Variants in CCDC122 observed in about 807,000 individuals in gnomAD.
CCDC122 encodes coiled-coil domain containing 122.
In CCDC122, 38 loss-of-function variants were observed where a neutral mutation model predicts 37.0. That is an observed-to-expected ratio of 1.03 (90% CI 0.79 to 1.35). The LOEUF is 1.35. Ranked by LOEUF, CCDC122 falls within the 40% of genes most tolerant of loss-of-function variation. The pLI, the probability that CCDC122 is intolerant of heterozygous loss-of-function variation, is 0.00. For missense variants in CCDC122, 305 were observed against 310.0 expected, an observed-to-expected ratio of 0.98 and a Z score of 0.12; for synonymous variants, 83 against 95.6, an observed-to-expected ratio of 0.87 and a Z score of 0.77.
rs533032800 is a variant in CCDC122 at position 43,861,719 on chromosome 13, A to T, written c.157-1649T>A. Among the ~76,000 whole-genome samples, 8 of 152,348 alleles carry T rather than the reference A, an allele frequency of 5.3e-5. No individual in the cohort carries two copies. The South Asian group carries it at 1.7e-3, about 32-fold the overall frequency. ...AATATGGCAATGAACCTCAATTTTT[A>T]TCATCAGCTCTGATGTTTCAAATGC... On this transcript the variant is annotated intron_variant, in intron 4 of 6. Transcript: ENST00000444614.
intron 3 of CCDC122, among the ~76,000 whole-genome samples, chr13:43,827,472 A>T (rs1364712514): frequency 1.3e-5 from 2 of 152,188 alleles, no homozygotes; most frequent in Admixed American, 6.5e-5. Context: ...GGCTTACATA[A>T]GTTCTCTAAG....
At chr13:43,827,359 A>C (rs941506259) in intron 3 of CCDC122, among the ~76,000 whole-genome samples, 1 of 152,238 alleles carries the variant, frequency 6.6e-6, no homozygotes, top group African/African-American at 2.4e-5. Flanking sequence ...TAAGTGAATT[A>C]TCTTTTATTT....
downstream of CCDC122, among the ~76,000 whole-genome samples, chr13:43,834,718 A>C (rs1315582302): frequency 2.1e-4 from 32 of 152,350 alleles, 1 homozygote; most frequent in East Asian, 6.2e-3. Flanking sequence ...AATGCTCATC[A>C]TCACTGGCCA....
At chr13:43,830,438 C>G (rs1252701029) in intron 3 of CCDC122, among the ~76,000 whole-genome samples, 2 of 152,172 alleles carry the variant, frequency 1.3e-5, no homozygotes, top group Non-Finnish European at 2.9e-5. Context: ...TTATTGAAGT[C>G]TTCCCCAGAG....
At position 43,836,911 on chromosome 13, in the gene CCDC122, C is replaced by T. The variant is rs373599099; in HGVS notation, c.*369G>A. The T allele has an allele frequency of 5.8e-5, 8 of 138,490 alleles. No homozygotes were observed. Among genetic ancestry groups the T allele is most frequent in the African/African-American group, 2.1e-4 (8 of 37,784 alleles). The allele number at this position is 138,490 out of a possible 1,614,324, so 8.6% of individuals were successfully genotyped here. A position where few individuals can be genotyped will look rare whatever the true frequency, so the allele number is the denominator to read the frequency against. On this transcript the variant is annotated 3_prime_UTR_variant, in exon 7 of 7. Transcript: ENST00000444614. The stretch of plus-strand genomic sequence containing the variant: ...CAGACAAACATTTTAAAAATCTTAA[C>T]AATTTAAATCAGTGAAAATTCGAGT...
chr13:43,844,786 T>C (rs1288770168), intron 6 of CCDC122, among the ~76,000 whole-genome samples: 1 of 152,164 alleles, frequency 6.6e-6, no homozygotes, highest in Non-Finnish European at 1.5e-5. Flanking sequence ...CTACACCAGC[T>C]TTTTAAAGAT....
At chr13:43,828,781 A>C (rs575070458) in intron 3 of CCDC122, among the ~76,000 whole-genome samples, 2 of 152,292 alleles carry the variant, frequency 1.3e-5, no homozygotes, top group South Asian at 2.1e-4. Context: ...AAAGAACTAA[A>C]TAAATAAATT....
rs1954035621 is a variant in CCDC122, at chr13:43,859,510, A to G, written c.555+162T>C. ...ATCTAGGGTCGTTGTTATATAACAC[A>G]TGTACTTATTCCAAGTTTTTTTCAA... On this transcript the variant is annotated intron_variant, in intron 5 of 6. Coordinates refer to ENST00000444614, the MANE Select transcript of CCDC122 (RefSeq NM_144974.5). 3.3e-5 allele frequency among the ~76,000 whole-genome samples: 5 copies of G among 152,098 alleles called. No homozygotes were observed. The South Asian group carries it at 1.0e-3, about 31-fold the overall frequency.
chr13:43,878,445 C>A (rs2138205359), intron 1 of CCDC122, among the ~76,000 whole-genome samples: 1 of 152,262 alleles, frequency 6.6e-6, no homozygotes, highest in Non-Finnish European at 1.5e-5. Flanking sequence ...TGGGTTAGTG[C>A]TCCCAGTCTC....
At position 43,858,784 on chromosome 13, in the gene CCDC122, T is replaced by C; in HGVS notation, c.669A>G (p.Ile223Met). 1 of 1,415,000 alleles carries C rather than the reference T, an allele frequency of 7.1e-7. No homozygotes were observed. The highest frequency in any genetic ancestry group is 9.5e-7 in the Non-Finnish European group (1 of 1,050,844). The allele number at this position is 1,415,000 out of a possible 1,614,324, so 87.7% of individuals were successfully genotyped here. ...KKTHEKLRKE[I>M]EVQHKRYDAI... ...AATCTAGATAATTAAGACTTACCTCTATTTCTTTTCTTAATTTTTCATGTG... is the reference window on the plus strand; with the variant it reads ...AATCTAGATAATTAAGACTTACCTCCATTTCTTTTCTTAATTTTTCATGTG... Residue 223 changes from isoleucine (I) to methionine (M), a missense_variant, in exon 6 of 7, where the codon ATA becomes ATG. Physicochemically the swap from Ile to Met is conservative, Grantham distance 10. Transcript: ENST00000444614.
rs900866366 is a variant in CCDC122 at position 43,869,320 on chromosome 13, T to C, written c.46+11A>G. Reference sequence around the variant, plus strand: ...CTTTTAATTATTTATTTCTTAAGACTGTTTCATTACCTTCTTTAGGAAATC... The same window carrying C: ...CTTTTAATTATTTATTTCTTAAGACCGTTTCATTACCTTCTTTAGGAAATC... On this transcript the variant is annotated intron_variant, in intron 3 of 6. Transcript: ENST00000444614. The C allele has an allele frequency of 1.3e-6, 2 of 1,586,518 alleles. No homozygotes were observed. The highest frequency in any genetic ancestry group is 3.4e-5 in the Admixed American group (2 of 59,472).
intron 6 of CCDC122, among the ~76,000 whole-genome samples, chr13:43,853,087 C>T (rs867442612): frequency 6.6e-6 from 1 of 152,062 alleles, no homozygotes; most frequent in African/African-American, 2.4e-5. Context: ...AACAAGTCTG[C>T]AAAATAACCA....
At chr13:43,842,660 C>T (rs1213857910) in intron 6 of CCDC122, among the ~76,000 whole-genome samples, 1 of 151,918 alleles carries the variant, frequency 6.6e-6, no homozygotes, top group Non-Finnish European at 1.5e-5. Context: ...AAACTATGAA[C>T]ATAGGATATC....
At chr13:43,859,303 T>C (rs1954028379) in intron 5 of CCDC122, among the ~76,000 whole-genome samples, 1 of 152,168 alleles carries the variant, frequency 6.6e-6, no homozygotes, top group Non-Finnish European at 1.5e-5. Flanking sequence ...CATAACACCA[T>C]TAAGTGTACT....
At chr13:43,838,867 T>C (rs952107073) in intron 6 of CCDC122, among the ~76,000 whole-genome samples, 7 of 152,206 alleles carry the variant, frequency 4.6e-5, no homozygotes, top group African/African-American at 7.2e-5. Context: ...AGCGCATACA[T>C]TGCATGATCA....
At chr13:43,864,131 G>A (rs143537235) in intron 4 of CCDC122, among the ~76,000 whole-genome samples, 14 of 152,136 alleles carry the variant, frequency 9.2e-5, no homozygotes, top group African/African-American at 1.9e-4. Flanking sequence ...GCTTTGGTAC[G>A]TCTTCAAAAA....
chr13:43,864,924 G>A (rs1954224596), intron 4 of CCDC122, among the ~76,000 whole-genome samples: 1 of 152,108 alleles, frequency 6.6e-6, no homozygotes, highest in Non-Finnish European at 1.5e-5. Flanking sequence ...AGGAAAGAGG[G>A]GCTGGAGATT....
chr13:43,854,998 G>A (rs1953859820), intron 6 of CCDC122: 1 of 152,088 alleles, frequency 6.6e-6, no homozygotes, highest in Non-Finnish European at 1.5e-5. Flanking sequence ...AGCCATCTAT[G>A]ACAAACCCAC....
chr13:43,860,150 A>C, intron 4 of CCDC122, 80 bp from the exon 5 acceptor site: 1 of 480,818 alleles, frequency 2.1e-6, no homozygotes, highest in Non-Finnish European at 2.9e-6. Flanking sequence ...ATCCATAATG[A>C]ATATAGGAAA....
Sources: allele counts gnomAD v4.1 joint callset (sites outside exome capture counted in the v4.1 genomes callset), GRCh38; gene constraint gnomAD v4.1.1; transcripts MANE v1.5; gene names NCBI Gene and HGNC (gene_info 2026-07-23, HGNC 2026-07-21).